The following CCSER1 variants were observed in gnomAD, a reference collection of about 807,000 sequenced individuals.
CCSER1 encodes serine-rich coiled-coil domain-containing protein 1.
In CCSER1, 41 loss-of-function variants were observed where a neutral mutation model predicts 82.0. The ratio of observed to expected loss-of-function variants is 0.50; its 90% CI spans 0.39 to 0.65. CCSER1 has a LOEUF of 0.65. CCSER1 is among the 30% of genes least tolerant of loss of function. The pLI is 0.00. For synonymous variants in CCSER1, 414 were observed against 383.9 expected, an observed-to-expected ratio of 1.08 and a Z score of -0.92; for missense variants, 1,119 against 1,064.2, an observed-to-expected ratio of 1.05 and a Z score of -0.72.
chr4:91,247,338 T>C (rs1461006541), intron 10 of CCSER1, among the ~76,000 whole-genome samples: 1 of 148,174 alleles, frequency 6.7e-6, no homozygotes, highest in Non-Finnish European at 1.5e-5. Context: ...AAGAATTAAG[T>C]AGATGGTTGG....
At chr4:91,591,437 G>A (rs1578872916) in intron 10 of CCSER1, among the ~76,000 whole-genome samples, 1 of 151,836 alleles carries the variant, frequency 6.6e-6, no homozygotes, top group South Asian at 2.1e-4. Flanking sequence ...AGTGTATTCT[G>A]TCATTTGTTT....
At chr4:90,700,416 CTT>C (rs1282670053) in intron 6 of CCSER1, among the ~76,000 whole-genome samples, 1 of 152,110 alleles carries the variant, frequency 6.6e-6, no homozygotes, top group Non-Finnish European at 1.5e-5. Context: ...GGTTCCAAGT[CTT>C]TGCTATTGTG....
intron 4 of CCSER1, among the ~76,000 whole-genome samples, chr4:90,420,689 A>G (rs1276333707): frequency 1.3e-5 from 2 of 152,086 alleles, no homozygotes; most frequent in African/African-American, 4.8e-5. Context: ...ATGTTTATAC[A>G]TCCTGACCTA....
intron 7 of CCSER1, among the ~76,000 whole-genome samples, chr4:90,755,054 A>T (rs1306296849): frequency 1.3e-5 from 2 of 152,162 alleles, no homozygotes; most frequent in Non-Finnish European, 2.9e-5. Flanking sequence ...GGAGAAAAAA[A>T]CCATACTTGC....
At chr4:90,629,417 C>A (rs1246844627) in intron 6 of CCSER1, among the ~76,000 whole-genome samples, 1 of 152,124 alleles carries the variant, frequency 6.6e-6, no homozygotes, top group Non-Finnish European at 1.5e-5. Context: ...GATGAAGGAG[C>A]AAAGTCACGT....
chr4:90,899,725 A>C (rs1333702371), intron 8 of CCSER1, among the ~76,000 whole-genome samples: 2 of 151,824 alleles, frequency 1.3e-5, no homozygotes, highest in Non-Finnish European at 2.9e-5. Flanking sequence ...TTTTTTAAAA[A>C]TTTTGTTTAT....
chr4:90,436,060 A>G (rs1758954836), intron 4 of CCSER1, among the ~76,000 whole-genome samples: 1 of 152,174 alleles, frequency 6.6e-6, no homozygotes, highest in Non-Finnish European at 1.5e-5. Flanking sequence ...ATTATAAATT[A>G]CTAGAAAATT....
At chr4:91,150,037 G>C (rs541137944) in intron 10 of CCSER1, among the ~76,000 whole-genome samples, 24 of 152,238 alleles carry the variant, frequency 1.6e-4, no homozygotes, top group African/African-American at 5.1e-4. Context: ...TAGCTTGATG[G>C]GGATGGCATT....
chr4:90,739,522 A>C (rs1299218056), intron 7 of CCSER1, among the ~76,000 whole-genome samples: 1 of 152,136 alleles, frequency 6.6e-6, no homozygotes, highest in Non-Finnish European at 1.5e-5. Flanking sequence ...CAAGTTTAGC[A>C]CCAGGACTTG....
At chr4:90,900,094 G>GTTTTTTTTTTTTTTTTTTTTTT (rs70963096) in intron 8 of CCSER1, among the ~76,000 whole-genome samples, 2 of 102,154 alleles carry the variant, frequency 2.0e-5, no homozygotes, top group African/African-American at 3.4e-5. Flanking sequence ...TGGTCCCAGA[G>GTTTTTTTTTTTTTTTTTTTTTT]TTTTTTTTTT....
At chr4:90,211,538 A>G (rs1006610999) in intron 1 of CCSER1, among the ~76,000 whole-genome samples, 4 of 152,216 alleles carry the variant, frequency 2.6e-5, no homozygotes, top group African/African-American at 9.6e-5. Context: ...CGAATGCCAG[A>G]CCAGACTCAA....
intron 1 of CCSER1, among the ~76,000 whole-genome samples, chr4:90,295,976 G>A (rs893442242): frequency 2.0e-5 from 3 of 151,820 alleles, no homozygotes; most frequent in African/African-American, 7.3e-5. Flanking sequence ...TTAAAATCAA[G>A]CCAATTCTCC....
At chr4:90,706,815 G>A (rs962071898) in intron 6 of CCSER1, among the ~76,000 whole-genome samples, 1 of 152,136 alleles carries the variant, frequency 6.6e-6, no homozygotes, top group Non-Finnish European at 1.5e-5. Context: ...CTTGTCCTGG[G>A]TATGTTTGCC....
intron 10 of CCSER1, among the ~76,000 whole-genome samples, chr4:91,340,783 A>C (rs1325442858): frequency 2.0e-5 from 3 of 152,196 alleles, no homozygotes; most frequent in Non-Finnish European, 4.4e-5. Context: ...TTGCCTGCAC[A>C]GGAATTTCTA....
At chr4:91,252,026 T>G (rs1283114632) in intron 10 of CCSER1, among the ~76,000 whole-genome samples, 1 of 152,100 alleles carries the variant, frequency 6.6e-6, no homozygotes, top group Non-Finnish European at 1.5e-5. Context: ...CAAAGACACA[T>G]ACACATTATA....
chr4:90,617,187 G>A (rs1490157880), intron 5 of CCSER1, among the ~76,000 whole-genome samples: 1 of 152,100 alleles, frequency 6.6e-6, no homozygotes, highest in African/African-American at 2.4e-5. Flanking sequence ...CGATTATTTG[G>A]TGGAGGTATG....
chr4:90,644,498 T>C (rs547476262), intron 6 of CCSER1, among the ~76,000 whole-genome samples: 1 of 152,064 alleles, frequency 6.6e-6, no homozygotes, highest in Non-Finnish European at 1.5e-5. Flanking sequence ...CCAGGATATA[T>C]GTGCAGAACA....
At chr4:91,045,777 T>A (rs1303793516) in intron 9 of CCSER1, among the ~76,000 whole-genome samples, 1 of 148,700 alleles carries the variant, frequency 6.7e-6, no homozygotes, top group Non-Finnish European at 1.5e-5. Context: ...TGCAAAATCT[T>A]GGGGTATAAT....
rs1735553740 is a variant in CCSER1, at chr4:90,312,880, A to T, written c.1342A>T (p.Ser448Cys). Reference protein sequence around the residue: ...NPAKVLASSLSPFREGRFIER... With the variant: ...NPAKVLASSLCPFREGRFIER... ...TTCCATAGTTCTTGCCAGTAGTCTC[A>T]GTCCATTTCGTGAAGGAAGATTTAT... Residue 448 changes from serine (S) to cysteine (C), a missense_variant, in exon 3 of 11, where the codon AGT becomes TGT. Ser to Cys is a moderately radical substitution (Grantham distance 112). Transcript: ENST00000509176. 3.2e-6 allele frequency: 5 copies of T among 1,569,946 alleles called. No individual in the cohort carries two copies. The highest frequency in any genetic ancestry group is 4.3e-6 in the Non-Finnish European group (5 of 1,155,654).
Sources: allele counts gnomAD v4.1 joint callset (sites outside exome capture counted in the v4.1 genomes callset), GRCh38; gene constraint gnomAD v4.1.1; transcripts MANE v1.5; gene names NCBI Gene and HGNC (gene_info 2026-07-23, HGNC 2026-07-21).